Variants in PCDHGA8 observed in about 807,000 individuals in gnomAD.
PCDHGA8 encodes protocadherin gamma-A8.
In PCDHGA8, 45 loss-of-function variants were observed where a neutral mutation model predicts 59.2. That is an observed-to-expected ratio of 0.76 (90% CI 0.60 to 0.98). PCDHGA8 has a LOEUF of 0.98. Among genes scored for constraint, PCDHGA8 ranks in the 50% least tolerant of loss-of-function variants. The pLI, the probability that PCDHGA8 is intolerant of heterozygous loss-of-function variation, is 0.00. For synonymous variants in PCDHGA8, 531 were observed against 519.0 expected (o/e 1.02, Z -0.32); for missense variants, 1,257 against 1,196.2 (o/e 1.05, Z -0.75).
At chr5:141,427,732 G>T in intron 1 of PCDHGA8, 1 of 1,190,370 alleles carries the variant, frequency 8.4e-7, no homozygotes, top group Non-Finnish European at 1.2e-6. Context: ...GGGCTGAATG[G>T]CCAAGTCTCC....
At position 141,498,920 on chromosome 5, in the gene PCDHGA8, G is replaced by A. The variant is rs930391165; in HGVS notation, c.2483+4055G>A. On this transcript the variant is annotated intron_variant, in intron 2 of 3. Transcript: ENST00000398604. ...TGCACTCCAGTCTGGGTGACAGAGC[G>A]AGACTCCATCAGGAAAGAAAGAAAG... 3.3e-4 allele frequency among the ~76,000 whole-genome samples: 47 copies of A among 142,950 alleles called. 1 individual carries two copies. Among genetic ancestry groups the A allele is most frequent in the African/African-American group, 8.9e-4 (35 of 39,160 alleles). The allele number at this position is 142,950 out of a possible 152,430, so 93.8% of individuals were successfully genotyped here. A position where few individuals can be genotyped will look rare whatever the true frequency, so the allele number is the denominator to read the frequency against.
intron 1 of PCDHGA8, chr5:141,413,423 C>A (rs770419729): frequency 6.2e-7 from 1 of 1,614,078 alleles, no homozygotes; most frequent in Non-Finnish European, 8.5e-7. Flanking sequence ...TCTCTGAACC[C>A]GCGCAGCGGC....
At position 141,476,304 on chromosome 5, in the gene PCDHGA8, C is replaced by T. The variant is rs769790423; in HGVS notation, c.2425-18503C>T. On this transcript the variant is annotated intron_variant, in intron 1 of 3. Coordinates refer to ENST00000398604, the MANE Select transcript of PCDHGA8 (RefSeq NM_032088.2). The surrounding 1 kb of genome is among the most constrained non-coding windows in gnomAD (Gnocchi z 7.6). Reference sequence around the variant, plus strand: ...GGTTTGGATCTCGGTAGCCTCTCAGCCCGCAGGTTCCGGGTGGTGTCTGGA... The same window carrying T: ...GGTTTGGATCTCGGTAGCCTCTCAGTCCGCAGGTTCCGGGTGGTGTCTGGA... The T allele has an allele frequency of 6.2e-7, 1 of 1,613,746 alleles. No individual in the cohort carries two copies. Among genetic ancestry groups the T allele is most frequent in the Admixed American group, 1.7e-5 (1 of 59,988 alleles).
At position 141,491,884 on chromosome 5, in the gene PCDHGA8, G is replaced by A. The variant is rs745931108; in HGVS notation, c.2425-2923G>A. The A allele has an allele frequency of 2.8e-6, 4 of 1,446,372 alleles. No homozygotes were observed. The highest frequency in any genetic ancestry group is 2.9e-5 in the Admixed American group (1 of 34,718). 89.6% of individuals were successfully genotyped at this position (1,446,372 alleles called of 1,614,324 possible). ...AACCAGAGTGGCCGATTAAGGGATG[G>A]GGCTCCGAGCACCGGGGGTGGTGGC... On this transcript the variant is annotated intron_variant, in intron 1 of 3. Coordinates refer to ENST00000398604, the MANE Select transcript of PCDHGA8 (RefSeq NM_032088.2). This position sits in a 1 kb window ranked among gnomAD's most constrained non-coding sequence, Gnocchi z 6.9.
chr5:141,461,845 C>CA (rs2099025049), intron 1 of PCDHGA8, among the ~76,000 whole-genome samples: 1 of 151,000 alleles, frequency 6.6e-6, no homozygotes. Context: ...TTTTTTGAGA[C>CA]AGAGTTTTGC....
At position 141,392,994 on chromosome 5, in the gene PCDHGA8, A is replaced by T; in HGVS notation, c.181A>T (p.Lys61Ter). 1 of 1,613,910 alleles carries T rather than the reference A, an allele frequency of 6.2e-7. No homozygotes were observed. Among genetic ancestry groups the T allele is most frequent in the Non-Finnish European group, 8.5e-7 (1 of 1,179,880 alleles). Residue 61 changes from lysine to a stop codon, truncating the protein, a stop_gained, in exon 1 of 4, where the codon AAG (lysine) becomes TAG (stop). Transcript: ENST00000398604. LOFTEE classifies it high-confidence loss of function. Reference protein sequence around the residue: ...DLGLDPRKLAKHGVRIVSRGR... With the variant: ...DLGLDPRKLA ...GGGGCTGGACCCCCGGAAGCTGGCG[A>T]AGCACGGAGTCCGTATCGTCTCCAG... is the stretch of plus-strand genomic sequence containing the variant.
intron 1 of PCDHGA8, 158 bp downstream of exon 1, chr5:141,395,395 T>TA: frequency 1.1e-6 from 1 of 906,424 alleles, no homozygotes; most frequent in Non-Finnish European, 1.6e-6. Flanking sequence ...AATTGAACTC[T>TA]AATAGTCATA....
At chr5:141,488,932 A>G (rs2233598) in intron 1 of PCDHGA8, among the ~76,000 whole-genome samples, 31,368 of 152,090 alleles carry the variant, frequency 0.21, 3,372 homozygotes, top group Admixed American at 0.31. Flanking sequence ...GGATTGAGGA[A>G]ACTCCATAAT....
At chr5:141,479,685 G>C (rs749895405) in intron 1 of PCDHGA8, 2 of 152,130 alleles carry the variant, frequency 1.3e-5, no homozygotes, top group Non-Finnish European at 2.9e-5. Context: ...AGTCTTTTTG[G>C]TGCCTCCAGT....
chr5:141,442,725 G>A (rs1381140725), intron 1 of PCDHGA8, among the ~76,000 whole-genome samples: 1 of 152,198 alleles, frequency 6.6e-6, no homozygotes, highest in Admixed American at 6.5e-5. Flanking sequence ...AGCATTTGGG[G>A]CCTGTAGGTA....
intron 1 of PCDHGA8, among the ~76,000 whole-genome samples, chr5:141,445,711 G>A (rs978623618): frequency 1.3e-5 from 2 of 152,202 alleles, no homozygotes; most frequent in African/African-American, 4.8e-5. Context: ...TTGTCAGGCA[G>A]AGGAAATAGC....
chr5:141,478,017 T>C lies in PCDHGA8; in HGVS notation c.2425-16790T>C, dbSNP rs776415195. ...GGTCAAATCAGTACTGCCCGTCCAG[T>C]CCAAGACACAGATTCACCCAGGCAG... On this transcript the variant is annotated intron_variant, in intron 1 of 3. Transcript: ENST00000398604. 15 of 1,613,910 alleles carry C rather than the reference T, an allele frequency of 9.3e-6. No homozygotes were observed. In the African/African-American group the frequency reaches 1.9e-4, roughly 20 times the overall value.
Position 141,489,400 on chromosome 5 carries a change from T to A in PCDHGA8, c.2425-5407T>A. 6.2e-7 allele frequency: 1 copy of A among 1,614,134 alleles called. No individual in the cohort carries two copies. Among genetic ancestry groups the A allele is most frequent in the Non-Finnish European group, 8.5e-7 (1 of 1,180,020 alleles). On this transcript the variant is annotated intron_variant, in intron 1 of 3. Transcript: ENST00000398604. This position sits in a 1 kb window ranked among gnomAD's most constrained non-coding sequence, Gnocchi z 4.5. ...GGGGAATGTTGCTCAGGATCTGGGC[T>A]TAAAGATGACAGATCTGTTGAGCCG...
Position 141,423,756 on chromosome 5 carries a change from G to GA in PCDHGA8, c.2424+28519_2424+28520insA. ...GCCTGTTATGAAAACTGTTTGGGGGGGGGGTGGGGCGGCATATATTTAGTT... is the reference window on the plus strand; with the variant it reads ...GCCTGTTATGAAAACTGTTTGGGGGGAGGGGTGGGGCGGCATATATTTAGTT... On this transcript the variant is annotated intron_variant, in intron 1 of 3. Transcript: ENST00000398604. 2 of 448,622 alleles carry GA rather than the reference G, an allele frequency of 4.5e-6. 1 individual carries two copies. The highest frequency in any genetic ancestry group is 6.1e-6 in the Non-Finnish European group (2 of 329,708). 27.8% of individuals were successfully genotyped at this position (448,622 alleles called of 1,614,324 possible). A position where few individuals can be genotyped will look rare whatever the true frequency, so the allele number is the denominator to read the frequency against.
intron 1 of PCDHGA8, among the ~76,000 whole-genome samples, chr5:141,460,070 T>C (rs547558436): frequency 2.0e-5 from 3 of 152,202 alleles, no homozygotes; most frequent in South Asian, 2.1e-4. Flanking sequence ...AGAGTGAGAC[T>C]TCATCTAAAA....
In PCDHGA8 at chr5:141,485,186, G is replaced by T; in HGVS notation, c.2425-9621G>T. ...GCGGGCGGCAGCAATGCTCCGCAAG[G>T]TGAGAAGCTGGACAGAAATCTGGCG... On this transcript the variant is annotated intron_variant, in intron 1 of 3. Coordinates refer to ENST00000398604, the MANE Select transcript of PCDHGA8 (RefSeq NM_032088.2). This position sits in a 1 kb window ranked among gnomAD's most constrained non-coding sequence, Gnocchi z 5.7. 1 of 1,613,706 alleles carries T rather than the reference G, an allele frequency of 6.2e-7. No individual in the cohort carries two copies. The highest frequency in any genetic ancestry group is 8.5e-7 in the Non-Finnish European group (1 of 1,179,644).
intron 1 of PCDHGA8, among the ~76,000 whole-genome samples, chr5:141,468,088 G>T (rs186503104): frequency 6.6e-6 from 1 of 152,186 alleles, no homozygotes; most frequent in East Asian, 1.9e-4. Context: ...ACTTTGGGAG[G>T]TTGAGGCAGG....
At chr5:141,433,641 G>C (rs1177387884) in intron 1 of PCDHGA8, among the ~76,000 whole-genome samples, 1 of 152,104 alleles carries the variant, frequency 6.6e-6, no homozygotes, top group Admixed American at 6.5e-5. Flanking sequence ...TTTGAGACCA[G>C]CCTGACCAAC....
chr5:141,467,055 CTTTT>C (rs1193465269), intron 1 of PCDHGA8, among the ~76,000 whole-genome samples: 5 of 134,484 alleles, frequency 3.7e-5, no homozygotes, highest in Non-Finnish European at 4.9e-5. Context: ...TCAATGTTTT[CTTTT>C]TTTTTTTTTT....
Sources: allele counts gnomAD v4.1 joint callset (sites outside exome capture counted in the v4.1 genomes callset), GRCh38; gene constraint gnomAD v4.1.1; non-coding constraint Gnocchi (gnomAD v3.1); transcripts MANE v1.5; gene names NCBI Gene and HGNC (gene_info 2026-07-23, HGNC 2026-07-21).